NF1: variants seen among roughly 807,000 people sequenced by gnomAD.
NF1 encodes the protein neurofibromin.
Under a neutral mutation model 325.7 loss-of-function variants are expected in NF1, and 122 were observed. The ratio of observed to expected loss-of-function variants is 0.37; its 90% confidence interval spans 0.32 to 0.44. The LOEUF (loss-of-function observed/expected upper bound fraction) is 0.44, where lower values mean the gene tolerates loss of function less well. Ranked by LOEUF, NF1 falls within the 20% of genes least tolerant of loss-of-function variation. The pLI, the probability that NF1 is intolerant of heterozygous loss-of-function variation, is 1.00. For missense variants in NF1, 2,140 were observed against 3,415.4 expected (o/e 0.63, Z 9.31); for synonymous variants, 1,091 against 1,186.0 (o/e 0.92, Z 1.65).
intron 36 of NF1, among the ~76,000 whole-genome samples, chr17:31,266,719 C>G (rs1215115673): frequency 1.4e-5 from 2 of 142,718 alleles, no homozygotes; most frequent in Non-Finnish European, 3.1e-5. Context: ...GCAAAGATTT[C>G]TGGAAAACAA....
chr17:31,324,453 A>G (rs1224798519), intron 36 of NF1, among the ~76,000 whole-genome samples: 2 of 152,202 alleles, frequency 1.3e-5, no homozygotes, highest in Non-Finnish European at 2.9e-5. Flanking sequence ...AAGAAAAGAA[A>G]TTGTTTCGTC....
At chr17:31,193,833 T>C (rs757590397) in intron 8 of NF1, among the ~76,000 whole-genome samples, 30 of 152,134 alleles carry the variant, frequency 2.0e-4, no homozygotes, top group Non-Finnish European at 4.0e-4. Flanking sequence ...AAAACCACAG[T>C]GAGATATCAT....
intron 57 of NF1, among the ~76,000 whole-genome samples, chr17:31,367,655 C>CA (rs1255537001): frequency 1.3e-5 from 2 of 152,108 alleles, no homozygotes; most frequent in Non-Finnish European, 2.9e-5. Flanking sequence ...AAGCCAACCC[C>CA]AGTGTTTCCT....
At chr17:31,165,489 T>G (rs904783824) in intron 4 of NF1, among the ~76,000 whole-genome samples, 1 of 152,188 alleles carries the variant, frequency 6.6e-6, no homozygotes, top group African/African-American at 2.4e-5. Context: ...TAGTATTAGG[T>G]GACTTAAAAT....
intron 3 of NF1, among the ~76,000 whole-genome samples, chr17:31,161,284 T>C (rs1284375097): frequency 6.6e-6 from 1 of 152,240 alleles, no homozygotes; most frequent in African/African-American, 2.4e-5. Flanking sequence ...GGTTAGCCTA[T>C]AAACAAGAAA....
chr17:31,259,706 T>C (rs1567862546), intron 33 of NF1, among the ~76,000 whole-genome samples: 1 of 152,218 alleles, frequency 6.6e-6, no homozygotes. Flanking sequence ...GGATAAACTC[T>C]TTGCCTGAGT....
intron 55 of NF1, 168 bp downstream of exon 55, chr17:31,358,790 A>G: frequency 9.1e-7 from 1 of 1,094,388 alleles, no homozygotes. Flanking sequence ...TAACTGGTTG[A>G]CAACTTTTTA....
intron 36 of NF1, among the ~76,000 whole-genome samples, chr17:31,315,005 G>T (rs1260247727): frequency 7.2e-5 from 11 of 152,106 alleles, no homozygotes; most frequent in Admixed American, 7.2e-4. Flanking sequence ...TTTAACTGGG[G>T]TGAGATGAGG....
chr17:31,347,404 G>A (rs548394191), intron 48 of NF1, among the ~76,000 whole-genome samples: 11 of 152,118 alleles, frequency 7.2e-5, no homozygotes, highest in African/African-American at 2.2e-4. Flanking sequence ...TTTTTTTTCT[G>A]TTCCAAAGAT....
At chr17:31,307,930 C>T (rs1004726777) in intron 36 of NF1, 1 of 1,288,798 alleles carries the variant, frequency 7.8e-7, no homozygotes, top group Middle Eastern at 2.1e-4. Flanking sequence ...TACTCCTCTA[C>T]CACTTGGTAC....
intron 36 of NF1, chr17:31,304,133 G>T: frequency 3.2e-6 from 3 of 927,446 alleles, no homozygotes; most frequent in Non-Finnish European, 4.8e-6. Flanking sequence ...CATAGGCTCT[G>T]AGCAGATTTC....
intron 52 of NF1, 52 bp from the exon 53 acceptor site, chr17:31,356,908 G>A: frequency 6.2e-7 from 1 of 1,609,566 alleles, no homozygotes; most frequent in Non-Finnish European, 8.5e-7. Flanking sequence ...AAATAGTTAG[G>A]TGAAGTGATT....
intron 36 of NF1, chr17:31,304,732 T>A: frequency 6.2e-7 from 1 of 1,614,202 alleles, no homozygotes; most frequent in East Asian, 2.2e-5. Context: ...TTCACTTGAT[T>A]CAAACAACTT....
chr17:31,243,180 C>CTCTGTGTGTGTGTGTG (rs2067330572), intron 29 of NF1, among the ~76,000 whole-genome samples: 1 of 73,260 alleles, frequency 1.4e-5, no homozygotes, highest in African/African-American at 1.0e-4. Flanking sequence ...GTCTCTCTCT[C>CTCTGTGTGTGTGTGTG]TGTCTGTGTG....
Position 31,375,305 on chromosome 17 carries a change from C to T in NF1, c.*1150C>T, listed in dbSNP as rs577642473. On this transcript the variant is annotated 3_prime_UTR_variant, in exon 58 of 58. Coordinates refer to ENST00000358273, the MANE Select transcript of NF1 (RefSeq NM_001042492.3). Reference sequence around the variant, plus strand: ...TCCTCTCCAAAAAAATCAGAAACCTCTTTAAGAAAACATGTAGGTTATATA... The same window carrying T: ...TCCTCTCCAAAAAAATCAGAAACCTTTTTAAGAAAACATGTAGGTTATATA... The T allele has an allele frequency of 1.7e-4, 39 of 229,194 alleles. 1 individual carries two copies. The South Asian group carries it at 6.7e-3, about 40-fold the overall frequency. The allele number at this position is 229,194 out of a possible 1,614,324, so 14.2% of individuals were successfully genotyped here. A position where few individuals can be genotyped will look rare whatever the true frequency, so the allele number is the denominator to read the frequency against.
chr17:31,291,985 T>C (rs538323600), intron 36 of NF1, among the ~76,000 whole-genome samples: 1 of 152,226 alleles, frequency 6.6e-6, no homozygotes, highest in African/African-American at 2.4e-5. Context: ...ACAACATTAC[T>C]GCATCTAGGA....
intron 36 of NF1, among the ~76,000 whole-genome samples, chr17:31,274,475 T>G (rs1169153128): frequency 6.6e-6 from 1 of 152,184 alleles, no homozygotes; most frequent in African/African-American, 2.4e-5. Context: ...GCTGTGAAGA[T>G]CATTTTTCCC....
chr17:31,152,672 C>G (rs1372070887), intron 1 of NF1, among the ~76,000 whole-genome samples: 3 of 151,164 alleles, frequency 2.0e-5, no homozygotes, highest in Middle Eastern at 3.4e-3. Context: ...GTTCTGTCAA[C>G]TTATTTCTAT....
chr17:31,123,616 T>C (rs1417597532), intron 1 of NF1, among the ~76,000 whole-genome samples: 2 of 152,076 alleles, frequency 1.3e-5, no homozygotes, highest in African/African-American at 4.8e-5. Flanking sequence ...GTTAGGAAAA[T>C]AATTAATTTT....
Sources: allele counts gnomAD v4.1 joint callset (sites outside exome capture counted in the v4.1 genomes callset), GRCh38; gene constraint gnomAD v4.1.1; transcripts MANE v1.5; gene names NCBI Gene and HGNC (gene_info 2026-07-23, HGNC 2026-07-21).